The following PHF2 variants were observed in gnomAD, a reference collection of about 807,000 sequenced individuals.
PHF2 encodes the protein PHD finger protein 2.
A neutral mutation model predicts 120.5 loss-of-function variants in PHF2; 27 were observed. That is an observed-to-expected ratio of 0.22 (90% CI 0.17 to 0.31). The LOEUF (loss-of-function observed/expected upper bound fraction) is 0.31. PHF2 is among the 10% of genes least tolerant of loss of function. The pLI, the probability that PHF2 is intolerant of heterozygous loss-of-function variation, is 1.00. For missense variants in PHF2, 1,024 were observed against 1,434.8 expected (o/e 0.71, Z 4.63); for synonymous variants, 568 against 592.5 (o/e 0.96, Z 0.60).
intron 3 of PHF2, among the ~76,000 whole-genome samples, chr9:93,644,608 C>G (rs958891918): frequency 1.3e-5 from 2 of 152,138 alleles, no homozygotes; most frequent in African/African-American, 2.4e-5. Context: ...CTGCTGTCCT[C>G]CTCCCCAGCG....
At chr9:93,648,549 T>G (rs1826302149) in intron 4 of PHF2, among the ~76,000 whole-genome samples, 1 of 152,216 alleles carries the variant, frequency 6.6e-6, no homozygotes, top group South Asian at 2.1e-4. Context: ...CTATCAGTCA[T>G]GAGTCTTTTA....
chr9:93,673,484 G>A, intron 17 of PHF2, 101 bp from the exon 18 acceptor site: 1 of 1,083,420 alleles, frequency 9.2e-7, no homozygotes, highest in African/African-American at 1.6e-5. Flanking sequence ...CCTGGGCCAG[G>A]AGTTTGTGCA....
chr9:93,655,876 T>G, intron 7 of PHF2, 58 bp from the exon 8 acceptor site: 2 of 1,322,902 alleles, frequency 1.5e-6, no homozygotes, highest in Non-Finnish European at 2.1e-6. Context: ...TCTAGAGCCA[T>G]GAGAAGCCCG....
At chr9:93,587,586 A>T (rs1863079284) in intron 1 of PHF2, among the ~76,000 whole-genome samples, 2 of 21,112 alleles carry the variant, frequency 9.5e-5, no homozygotes, top group South Asian at 3.7e-3. Flanking sequence ...GTGAGAGATG[A>T]TGGAGGAGCC....
In PHF2 at chr9:93,679,188, G is replaced by T. The variant is rs570381251; in HGVS notation, c.*1512G>T. 2.0e-5 allele frequency: 9 copies of T among 454,630 alleles called. No individual in the cohort carries two copies. The highest frequency in any genetic ancestry group is 1.2e-4 in the South Asian group (8 of 64,042). 28.2% of individuals were successfully genotyped at this position (454,630 alleles called of 1,614,324 possible). ...TTGTTTATATACCCATTACCTGGAT[G>T]TTTTTGTCCACTGGGAGAGGCAGCT... On this transcript the variant is annotated 3_prime_UTR_variant, in exon 22 of 22. Transcript: ENST00000359246.
intron 4 of PHF2, among the ~76,000 whole-genome samples, chr9:93,646,191 C>A (rs777917458): frequency 6.6e-6 from 1 of 152,206 alleles, no homozygotes. Flanking sequence ...ATGACCTGCC[C>A]CCACGGCACC....
At chr9:93,583,826 C>CTTTTTTTTTTTTT (rs113746371) in intron 1 of PHF2, among the ~76,000 whole-genome samples, 1 of 124,630 alleles carries the variant, frequency 8.0e-6, no homozygotes, top group African/African-American at 3.0e-5. Flanking sequence ...TTTTTCTTTT[C>CTTTTTTTTTTTTT]TTTTTTTTTT....
At chr9:93,652,412 A>G (rs1457448531) in intron 5 of PHF2, among the ~76,000 whole-genome samples, 1 of 149,646 alleles carries the variant, frequency 6.7e-6, no homozygotes, top group East Asian at 2.0e-4. Flanking sequence ...CTCCTGCCTC[A>G]GTCTCCCAAG....
chr9:93,612,624 T>C (rs1162959738), intron 1 of PHF2, among the ~76,000 whole-genome samples: 1 of 152,284 alleles, frequency 6.6e-6, no homozygotes, highest in African/African-American at 2.4e-5. Context: ...GTATACTACA[T>C]CCTTCACATG....
In PHF2 at chr9:93,654,396, A is replaced by T; in HGVS notation, c.790-17A>T. 6.2e-7 allele frequency: 1 copy of T among 1,608,392 alleles called. No homozygotes were observed. The highest frequency in any genetic ancestry group is 8.5e-7 in the Non-Finnish European group (1 of 1,175,688). On this transcript the variant is annotated splice_polypyrimidine_tract_variant and intron_variant, in intron 6 of 21. Transcript: ENST00000359246. Reference sequence around the variant, plus strand: ...CATCCCAGTATGGGCGGCTCTGCCAACAGGCTCTCTTGGCAGGGGGAGAAG... The same window carrying T: ...CATCCCAGTATGGGCGGCTCTGCCATCAGGCTCTCTTGGCAGGGGGAGAAG...
intron 1 of PHF2, among the ~76,000 whole-genome samples, chr9:93,589,839 C>T (rs1417694399): frequency 6.6e-6 from 1 of 152,212 alleles, no homozygotes; most frequent in Non-Finnish European, 1.5e-5. Flanking sequence ...CAGCCACCCC[C>T]TTTCCCTCTC....
chr9:93,679,506 C>T lies in PHF2; in HGVS notation c.*1830C>T. The T allele has an allele frequency of 3.4e-6, 1 of 295,790 alleles. No homozygotes were observed. The highest frequency in any genetic ancestry group is 6.6e-6 in the Non-Finnish European group (1 of 151,950). 18.3% of individuals were successfully genotyped at this position (295,790 alleles called of 1,614,324 possible). A position where few individuals can be genotyped will look rare whatever the true frequency, so the allele number is the denominator to read the frequency against. ...GTGTTTTATTTCCCAATTCATATTA[C>T]TCTTGTATCGAGTCCATGAGGTCTA... On this transcript the variant is annotated 3_prime_UTR_variant, in exon 22 of 22. Transcript: ENST00000359246.
intron 1 of PHF2, among the ~76,000 whole-genome samples, chr9:93,595,134 A>T (rs1291728520): frequency 6.6e-6 from 1 of 152,214 alleles, no homozygotes; most frequent in Non-Finnish European, 1.5e-5. Flanking sequence ...ACAGATGCTA[A>T]ATGATTACTT....
chr9:93,650,210 C>T (rs1826343375), intron 5 of PHF2, among the ~76,000 whole-genome samples: 1 of 151,920 alleles, frequency 6.6e-6, no homozygotes, highest in Non-Finnish European at 1.5e-5. Flanking sequence ...GACACACTCA[C>T]ATGACATAGA....
At chr9:93,584,405 T>C (rs1057042410) in intron 1 of PHF2, among the ~76,000 whole-genome samples, 7 of 152,222 alleles carry the variant, frequency 4.6e-5, no homozygotes, top group Admixed American at 1.3e-4. Context: ...TTGATCCATC[T>C]TCTGTTTATT....
chr9:93,612,810 G>A (rs533327600), intron 1 of PHF2, among the ~76,000 whole-genome samples: 1 of 152,316 alleles, frequency 6.6e-6, no homozygotes, highest in Admixed American at 6.5e-5. Flanking sequence ...GGCCCCGGGA[G>A]GGGTGTCCCC....
Position 93,654,535 on chromosome 9 carries a change from G to A in PHF2, c.912G>A (p.Lys304=). The A allele has an allele frequency of 6.2e-7, 1 of 1,614,038 alleles. No homozygotes were observed. The highest frequency in any genetic ancestry group is 8.5e-7 in the Non-Finnish European group (1 of 1,180,018). Residue 304 remains lysine, a synonymous_variant, in exon 7 of 22, where the codon AAG becomes AAA. Coordinates refer to ENST00000359246, the MANE Select transcript of PHF2 (RefSeq NM_005392.4). ...CTGACCAGGTCGACAAATGCTACAA[G>A]TGCATCGTCAAGCAGGGCCAGACCC... is the stretch of plus-strand genomic sequence containing the variant. ...FFADQVDKCY[K]CIVKQGQTLF... is the part of the protein sequence containing the mutation.
intron 1 of PHF2, among the ~76,000 whole-genome samples, chr9:93,602,419 A>C (rs2131617650): frequency 6.6e-6 from 1 of 151,734 alleles, no homozygotes; most frequent in Non-Finnish European, 1.5e-5. Flanking sequence ...CGCCTGGCTA[A>C]TTTTTTGTAA....
intron 6 of PHF2, 50 bp from the exon 7 acceptor site, chr9:93,654,363 G>T: frequency 6.3e-7 from 1 of 1,584,958 alleles, no homozygotes; most frequent in South Asian, 1.1e-5. Flanking sequence ...TTGCACCCCC[G>T]ACCCCCGCAT....
Sources: gnomAD v4.1 joint callset for allele counts (sites outside exome capture counted in the v4.1 genomes callset) on GRCh38, gnomAD v4.1.1 for gene constraint, MANE v1.5 for transcripts, NCBI Gene and HGNC (gene_info 2026-07-23, HGNC 2026-07-21) for gene names.